The following RNPEP variants were observed in gnomAD, a reference collection of about 807,000 sequenced individuals.
RNPEP encodes the protein arginyl aminopeptidase.
RNPEP carries 57 observed loss-of-function variants against 70.1 expected under a neutral mutation model. The ratio of observed to expected loss-of-function variants is 0.81; its 90% confidence interval spans 0.66 to 1.01. The LOEUF (loss-of-function observed/expected upper bound fraction) is 1.01, where lower values mean the gene tolerates loss of function less well. Among genes scored for constraint, RNPEP ranks in the 50% least tolerant of loss-of-function variants. The pLI is 0.00. For missense variants in RNPEP, 787 were observed against 852.4 expected (o/e 0.92, Z 0.96); for synonymous variants, 335 against 357.4 (o/e 0.94, Z 0.71).
chr1:202,002,856 G>T (rs61821543), intron 8 of RNPEP, among the ~76,000 whole-genome samples: 1 of 151,966 alleles, frequency 6.6e-6, no homozygotes, highest in South Asian at 2.1e-4. Context: ...TAACATGCCC[G>T]TGGCCTCCCA....
In RNPEP at chr1:201,999,997, C is replaced by G. The variant is rs140770038; in HGVS notation, c.1186C>G (p.Arg396Gly). 4.8e-5 allele frequency: 77 copies of G among 1,613,476 alleles called. No homozygotes were observed. The African/African-American group carries it at 7.5e-4, about 16-fold the overall frequency. Reference protein sequence around the residue: ...TGEENPLNKLRVKIEPGVDPD... With the variant: ...TGEENPLNKLGVKIEPGVDPD... Reference sequence around the variant, plus strand: ...AGAGGAAAACCCACTCAACAAGCTCCGCGTGAAGATTGAACCAGGTCCAGG... The same window carrying G: ...AGAGGAAAACCCACTCAACAAGCTCGGCGTGAAGATTGAACCAGGTCCAGG... Residue 396 changes from arginine to glycine, a missense_variant, in exon 6 of 11, where the codon CGC (arginine) becomes GGC (glycine). Arg to Gly is a moderately radical substitution (Grantham distance 125). Transcript: ENST00000295640.
chr1:201,999,769 GTTA>G (rs2102978830), intron 5 of RNPEP, 130 bp from the exon 6 acceptor site: 2 of 670,520 alleles, frequency 3.0e-6, no homozygotes, highest in Non-Finnish European at 2.6e-6. Flanking sequence ...GGAGGGTAAT[GTTA>G]TTAAGCTTCA....
At chr1:201,990,530 C>T (rs914594063) in intron 3 of RNPEP, among the ~76,000 whole-genome samples, 7 of 152,216 alleles carry the variant, frequency 4.6e-5, no homozygotes, top group Non-Finnish European at 1.0e-4. Context: ...GTGACCTTTT[C>T]CTGGCACTGT....
At chr1:201,983,720 CATT>C in intron 1 of RNPEP, 3 of 1,141,142 alleles carry the variant, frequency 2.6e-6, no homozygotes, top group Non-Finnish European at 3.3e-6. Context: ...GTGCTATAAG[CATT>C]ATAATAATTT....
Position 201,982,995 on chromosome 1 carries a change from T to G in RNPEP, c.329T>G (p.Phe110Cys), listed in dbSNP as rs569459224. The change falls in exon 1 of 11, where the codon TTC becomes TGC. Residue 110 changes from phenylalanine (F) to cysteine (C), a missense_variant. Physicochemically the swap from Phe to Cys is radical, Grantham distance 205. Coordinates refer to ENST00000295640, the MANE Select transcript of RNPEP (RefSeq NM_020216.4). Reference protein sequence around the residue: ...SEEPPAEPVSFYTQPFSHYGQ... With the variant: ...SEEPPAEPVSCYTQPFSHYGQ... ...GAGCCGCCTGCGGAGCCCGTGAGCT[T>G]CTACACGCAGCCCTTCTCGCACTAT... 18 of 1,521,114 alleles carry G rather than the reference T, an allele frequency of 1.2e-5. No individual in the cohort carries two copies. Among genetic ancestry groups the G allele is most frequent in the Non-Finnish European group, 1.6e-5 (18 of 1,136,394 alleles). The allele number at this position is 1,521,114 out of a possible 1,614,324, so 94.2% of individuals were successfully genotyped here.
intron 9 of RNPEP, 49 bp downstream of exon 9, chr1:202,003,510 CAGGGGCT>C: frequency 7.4e-7 from 1 of 1,358,632 alleles, no homozygotes; most frequent in Non-Finnish European, 1.0e-6. Flanking sequence ...AGCTTTATGT[CAGGGGCT>C]AGAGGGAGGC....
intron 4 of RNPEP, among the ~76,000 whole-genome samples, chr1:201,997,018 C>T (rs926771627): frequency 6.6e-6 from 1 of 152,068 alleles, no homozygotes; most frequent in Non-Finnish European, 1.5e-5. Context: ...TGTGATGGAG[C>T]TGATAATACA....
chr1:202,002,033 G>C (rs904943249), intron 8 of RNPEP, among the ~76,000 whole-genome samples: 5 of 152,124 alleles, frequency 3.3e-5, no homozygotes, highest in Non-Finnish European at 5.9e-5. Context: ...TGCCTGGAGA[G>C]CTGCCACTGC....
chr1:201,988,610 A>G (rs1683217290), intron 1 of RNPEP, among the ~76,000 whole-genome samples: 1 of 152,166 alleles, frequency 6.6e-6, no homozygotes, highest in Non-Finnish European at 1.5e-5. Context: ...CAGATAGGGT[A>G]CAGATGACAA....
rs779636715 is a variant in RNPEP at position 202,005,580 on chromosome 1, C to T, written c.1817C>T (p.Pro606Leu). The T allele has an allele frequency of 2.0e-5, 33 of 1,614,066 alleles. No homozygotes were observed. The highest frequency in any genetic ancestry group is 2.4e-5 in the Non-Finnish European group (28 of 1,180,040). The stretch of plus-strand genomic sequence containing the variant: ...CAGGGGAAGCAGAAGTATACACTTC[C>T]GCTGTACCACGCAATGATGGGTGGC... The part of the protein sequence containing the change: ...HNQGKQKYTL[P>L]LYHAMMGGSE... The change falls in exon 11 of 11, where the codon CCG becomes CTG. Residue 606 changes from proline to leucine, a missense_variant. Physicochemically the swap from Pro to Leu is moderately conservative, Grantham distance 98 (BLOSUM62 -3). Transcript: ENST00000295640.
intron 8 of RNPEP, among the ~76,000 whole-genome samples, chr1:202,002,676 G>T (rs1683875132): frequency 6.6e-6 from 1 of 152,228 alleles, no homozygotes; most frequent in Admixed American, 6.5e-5. Context: ...GCATTTTAAT[G>T]CGGGGACTCC....
intron 3 of RNPEP, among the ~76,000 whole-genome samples, chr1:201,992,234 T>G (rs954678981): frequency 6.6e-6 from 1 of 152,114 alleles, no homozygotes; most frequent in Non-Finnish European, 1.5e-5. Flanking sequence ...GGTCTTGCTA[T>G]GTTGTCCAGG....
At chr1:201,984,917 G>A (rs1435787548) in intron 1 of RNPEP, among the ~76,000 whole-genome samples, 1 of 146,660 alleles carries the variant, frequency 6.8e-6, no homozygotes, top group Non-Finnish European at 1.5e-5. Flanking sequence ...TCCAGGCTGG[G>A]TGTGGTGGCT....
chr1:201,995,054 G>A (rs6427925), intron 3 of RNPEP, among the ~76,000 whole-genome samples: 21,131 of 151,918 alleles, frequency 0.14, 2,789 homozygotes, highest in African/African-American at 0.35. Flanking sequence ...AGAGCCTTTG[G>A]CTGCAGGATC....
At chr1:202,000,070 C>A in intron 6 of RNPEP, 55 bp downstream of exon 6, 1 of 1,281,540 alleles carries the variant, frequency 7.8e-7, no homozygotes, top group Non-Finnish European at 1.1e-6. Context: ...CTTGGAGCCC[C>A]AAGTTAATGC....
chr1:201,984,821 C>CT lies in RNPEP; in HGVS notation c.447+1744dup, dbSNP rs200795347. On this transcript the variant is annotated intron_variant, in intron 1 of 10. Transcript: ENST00000295640. ...TTACTGCTAACTTTTGTATTTCTTTCTTTTTTTTTTTTTTTTTTTTTTTTT... is the reference window on the plus strand; with the variant it reads ...TTACTGCTAACTTTTGTATTTCTTTCTTTTTTTTTTTTTTTTTTTTTTTTTT... Among the ~76,000 whole-genome samples the CT allele has an allele frequency of 2.2e-3, 271 of 121,892 alleles. 18 individuals carry two copies. Among genetic ancestry groups the CT allele is most frequent in the African/African-American group, 3.7e-3 (115 of 30,922 alleles). 80.0% of individuals were successfully genotyped at this position (121,892 alleles called of 152,430 possible).
intron 6 of RNPEP, 73 bp downstream of exon 6, chr1:202,000,088 A>T: frequency 9.0e-7 from 1 of 1,110,318 alleles, no homozygotes; most frequent in Non-Finnish European, 1.4e-6. Context: ...TGCGAACTTC[A>T]TGTTGATCAG....
intron 10 of RNPEP, 40 bp downstream of exon 10, chr1:202,004,536 G>T: frequency 6.2e-7 from 1 of 1,606,546 alleles, no homozygotes; most frequent in South Asian, 1.1e-5. Flanking sequence ...AAGCACACTG[G>T]GACCCACTCG....
chr1:201,998,671 C>A (rs1009041094), intron 5 of RNPEP, among the ~76,000 whole-genome samples: 2 of 152,180 alleles, frequency 1.3e-5, no homozygotes, highest in African/African-American at 4.8e-5. Context: ...ATATCTTAAT[C>A]AGCCATTAGG....
Sources: allele counts gnomAD v4.1 joint callset (sites outside exome capture counted in the v4.1 genomes callset), GRCh38; gene constraint gnomAD v4.1.1; transcripts MANE v1.5; gene names NCBI Gene and HGNC (gene_info 2026-07-23, HGNC 2026-07-21).